SULF1: variants seen among roughly 807,000 people sequenced by gnomAD.
The protein encoded by SULF1 is extracellular sulfatase Sulf-1.
A neutral mutation model predicts 110.5 loss-of-function variants in SULF1; 46 were observed. The ratio of observed to expected loss-of-function variants is 0.42; its 90% CI spans 0.33 to 0.53. SULF1 has a LOEUF of 0.53. Ranked by LOEUF, SULF1 falls within the 20% of genes least tolerant of loss-of-function variation. The pLI, the probability that SULF1 is intolerant of heterozygous loss-of-function variation, is 0.12. For synonymous variants in SULF1, 371 were observed against 387.1 expected (o/e 0.96, Z 0.49); for missense variants, 941 against 1,094.2 (o/e 0.86, Z 1.98).
chr8:69,524,525 A>T (rs1347816563), intron 3 of SULF1, among the ~76,000 whole-genome samples: 1 of 152,152 alleles, frequency 6.6e-6, no homozygotes, highest in African/African-American at 2.4e-5. Context: ...CCAAGTATTC[A>T]TGAGGGATCT....
intron 13 of SULF1, among the ~76,000 whole-genome samples, chr8:69,610,079 T>A (rs544478983): frequency 7.9e-5 from 12 of 152,238 alleles, no homozygotes; most frequent in African/African-American, 2.9e-4. Context: ...TTTGTTTTGA[T>A]AGGGCAAATA....
chr8:69,512,925 CTTA>C (rs1163213051), intron 3 of SULF1, among the ~76,000 whole-genome samples: 1 of 152,128 alleles, frequency 6.6e-6, no homozygotes, highest in Non-Finnish European at 1.5e-5. Flanking sequence ...ATTTCCTTAA[CTTA>C]TTATTATTAA....
intron 19 of SULF1, chr8:69,638,291 A>G (rs1374448425): frequency 1.7e-6 from 1 of 595,864 alleles, no homozygotes; most frequent in Admixed American, 3.3e-5. Flanking sequence ...CCTATAAGAG[A>G]TCACTATCTT....
At chr8:69,591,267 T>C (rs1299658977) in intron 8 of SULF1, among the ~76,000 whole-genome samples, 1 of 152,046 alleles carries the variant, frequency 6.6e-6, no homozygotes, top group African/African-American at 2.4e-5. Context: ...AAAACATCTC[T>C]GTGCTGGCCA....
chr8:69,468,738 G>T (rs1358119382), intron 1 of SULF1, among the ~76,000 whole-genome samples: 1 of 152,228 alleles, frequency 6.6e-6, no homozygotes, highest in Non-Finnish European at 1.5e-5. Flanking sequence ...CATATAGCAT[G>T]CATGGTGCTA....
chr8:69,519,035 CT>C (rs2150606900), intron 3 of SULF1, among the ~76,000 whole-genome samples: 1 of 152,318 alleles, frequency 6.6e-6, no homozygotes, highest in African/African-American at 2.4e-5. Context: ...GCATACATTA[CT>C]TGTGTCCCTT....
chr8:69,644,656 G>A (rs536355917), intron 22 of SULF1, among the ~76,000 whole-genome samples: 18 of 151,922 alleles, frequency 1.2e-4, no homozygotes, highest in African/African-American at 4.3e-4. Context: ...ATGGTGGCGG[G>A]AGGCTGAGGC....
intron 1 of SULF1, among the ~76,000 whole-genome samples, chr8:69,486,443 A>C (rs1471975940): frequency 6.6e-6 from 1 of 152,174 alleles, no homozygotes; most frequent in Non-Finnish European, 1.5e-5. Flanking sequence ...AAACCCAGTC[A>C]TTAATTACAT....
intron 13 of SULF1, among the ~76,000 whole-genome samples, chr8:69,611,563 A>G (rs575314153): frequency 6.6e-6 from 1 of 152,320 alleles, no homozygotes; most frequent in African/African-American, 2.4e-5. Context: ...GTTTGGACAA[A>G]GATGTGAATA....
At chr8:69,489,571 C>CTTTT (rs61391745), upstream of SULF1, among the ~76,000 whole-genome samples, 37 of 91,978 alleles carry the variant, frequency 4.0e-4, no homozygotes, top group African/African-American at 8.2e-4. Context: ...CTTTCTTTCT[C>CTTTT]TTTTTTTTTT....
intron 14 of SULF1, among the ~76,000 whole-genome samples, chr8:69,622,097 A>G (rs2130555353): frequency 6.6e-6 from 1 of 152,382 alleles, no homozygotes; most frequent in East Asian, 1.9e-4. Context: ...CCATGCCCTG[A>G]TATTTCATCC....
At chr8:69,479,067 C>A (rs1293933644) in intron 1 of SULF1, among the ~76,000 whole-genome samples, 1 of 152,204 alleles carries the variant, frequency 6.6e-6, no homozygotes, top group East Asian at 1.9e-4. Flanking sequence ...CTTCTGCCCA[C>A]ATCACTCTCC....
chr8:69,635,912 A>G (rs1810959131), intron 19 of SULF1, among the ~76,000 whole-genome samples: 1 of 151,920 alleles, frequency 6.6e-6, no homozygotes, highest in Non-Finnish European at 1.5e-5. Context: ...TCCCAGTGCT[A>G]CCAGTTGTCA....
Position 69,578,834 on chromosome 8 carries a change from A to G in SULF1, c.412+2625A>G, listed in dbSNP as rs544434575. Reference sequence around the variant, plus strand: ...ACCTCCAAAATAAAAGGAATTCTTTAAGGGAAATAAAGACTTTTCCAAAAA... The same window carrying G: ...ACCTCCAAAATAAAAGGAATTCTTTGAGGGAAATAAAGACTTTTCCAAAAA... On this transcript the variant is annotated intron_variant, in intron 6 of 22. Coordinates refer to ENST00000402687, the MANE Select transcript of SULF1 (RefSeq NM_001128205.2). 2.0e-5 allele frequency among the ~76,000 whole-genome samples: 3 copies of G among 152,304 alleles called. No individual in the cohort carries two copies. In the East Asian group the frequency reaches 5.8e-4, roughly 29 times the overall value.
chr8:69,636,262 C>T (rs577627055), intron 19 of SULF1, among the ~76,000 whole-genome samples: 4 of 152,174 alleles, frequency 2.6e-5, no homozygotes, highest in South Asian at 2.1e-4. Context: ...TCAGACCGGG[C>T]GCGGTGGCTC....
At chr8:69,519,919 T>C (rs1056448907) in intron 3 of SULF1, among the ~76,000 whole-genome samples, 7 of 152,168 alleles carry the variant, frequency 4.6e-5, no homozygotes, top group African/African-American at 4.8e-5. Flanking sequence ...GAAAGAAGTC[T>C]TGCATTTTCA....
intron 1 of SULF1, among the ~76,000 whole-genome samples, chr8:69,475,642 A>C (rs1400557680): frequency 6.6e-6 from 1 of 152,184 alleles, no homozygotes; most frequent in Non-Finnish European, 1.5e-5. Context: ...ATACATTCCC[A>C]AAGTGACAAT....
intron 5 of SULF1, among the ~76,000 whole-genome samples, chr8:69,565,981 G>T (rs1815852289): frequency 6.6e-6 from 1 of 151,902 alleles, no homozygotes; most frequent in Admixed American, 6.6e-5. Flanking sequence ...TCATAACCCA[G>T]TTCATGTCAT....
chr8:69,487,248 G>A (rs1653424915), intron 1 of SULF1, among the ~76,000 whole-genome samples: 1 of 152,142 alleles, frequency 6.6e-6, no homozygotes, highest in African/African-American at 2.4e-5. Context: ...AAGGATAAAT[G>A]ATTTCACATT....
Sources: allele counts gnomAD v4.1 joint callset (sites outside exome capture counted in the v4.1 genomes callset), GRCh38; gene constraint gnomAD v4.1.1; transcripts MANE v1.5; gene names NCBI Gene and HGNC (gene_info 2026-07-23, HGNC 2026-07-21).